Variants in AGBL4 observed in about 807,000 individuals in gnomAD.
AGBL4 encodes cytosolic carboxypeptidase 6.
In AGBL4, 58 loss-of-function variants were observed where a neutral mutation model predicts 66.4. That is an observed-to-expected ratio of 0.87 (90% CI 0.71 to 1.09). AGBL4 has a LOEUF of 1.09. Among genes scored for constraint, AGBL4 ranks in the 50% least tolerant of loss-of-function variants. The probability of loss-of-function intolerance (pLI) is 0.00; values close to 1 mark genes in which losing one functional copy is unlikely to be tolerated. For missense variants in AGBL4, 579 were observed against 631.0 expected (o/e 0.92, Z 0.88); for synonymous variants, 234 against 222.9 (o/e 1.05, Z -0.44).
In AGBL4 at chr1:48,994,801, C is replaced by G. The variant is rs146245939; in HGVS notation, c.594+50783G>C. On this transcript the variant is annotated intron_variant, in intron 5 of 13. Transcript: ENST00000371839. ...TTAATAGACAATAATGTATTTAATACAAAAGCTCTCAGTAGATTAGTTCTG... is the reference window on the plus strand; with the variant it reads ...TTAATAGACAATAATGTATTTAATAGAAAAGCTCTCAGTAGATTAGTTCTG... Among the ~76,000 whole-genome samples the G allele has an allele frequency of 3.9e-3, 594 of 152,044 alleles. 3 individuals are homozygous for G. Among genetic ancestry groups the G allele is most frequent in the African/African-American group, 0.014 (570 of 41,492 alleles).
intron 3 of AGBL4, among the ~76,000 whole-genome samples, chr1:49,453,409 T>A (rs1646321592): frequency 6.6e-6 from 1 of 151,894 alleles, no homozygotes; most frequent in South Asian, 2.1e-4. Context: ...TGGTATGATA[T>A]GGCACCTGGC....
In AGBL4 at chr1:48,634,489, T is replaced by G. The variant is rs1419668511; in HGVS notation, c.951+4A>C. 3.5e-5 allele frequency: 55 copies of G among 1,588,658 alleles called. No homozygotes were observed. The highest frequency in any genetic ancestry group is 4.5e-5 in the Non-Finnish European group (52 of 1,166,080). ...GCAGCTGTGGAGGGCATTCAGTTACTTACTGGGTCGTTGTACATCTGGACG... is the reference window on the plus strand; with the variant it reads ...GCAGCTGTGGAGGGCATTCAGTTACGTACTGGGTCGTTGTACATCTGGACG... On this transcript the variant is annotated splice_donor_region_variant and intron_variant, in intron 9 of 13. Transcript: ENST00000371839.
At chr1:48,829,556 T>C (rs1362092319) in intron 6 of AGBL4, among the ~76,000 whole-genome samples, 2 of 152,096 alleles carry the variant, frequency 1.3e-5, no homozygotes, top group African/African-American at 4.8e-5. Flanking sequence ...AAGGAGGGGA[T>C]CAAAAAGGTT....
intron 4 of AGBL4, among the ~76,000 whole-genome samples, chr1:49,151,287 T>A (rs61783576): frequency 0.02 from 2,872 of 144,930 alleles, 47 homozygotes; most frequent in Non-Finnish European, 0.022. Context: ...AAAAAATATA[T>A]ATATATATAT....
chr1:49,790,519 G>A (rs997226239), intron 2 of AGBL4, among the ~76,000 whole-genome samples: 11 of 152,120 alleles, frequency 7.2e-5, no homozygotes, highest in Non-Finnish European at 8.8e-5. Flanking sequence ...TATACTGCCT[G>A]CAAAGGGGAT....
chr1:48,857,494 G>T (rs1296925805), intron 6 of AGBL4, among the ~76,000 whole-genome samples: 1 of 152,138 alleles, frequency 6.6e-6, no homozygotes. Flanking sequence ...GGCTGAGGCA[G>T]GCAGATCACA....
At chr1:49,369,586 G>A (rs2148549921) in intron 3 of AGBL4, among the ~76,000 whole-genome samples, 1 of 152,260 alleles carries the variant, frequency 6.6e-6, no homozygotes, top group East Asian at 1.9e-4. Context: ...GGATTTGGGG[G>A]ATCCTTCTGA....
chr1:48,853,854 T>C (rs1647086545), intron 6 of AGBL4, among the ~76,000 whole-genome samples: 1 of 152,148 alleles, frequency 6.6e-6, no homozygotes, highest in Non-Finnish European at 1.5e-5. Context: ...GACAGACTTA[T>C]GCTGCTGCAG....
At chr1:49,167,745 G>T (rs1236977155) in intron 4 of AGBL4, among the ~76,000 whole-genome samples, 4 of 152,162 alleles carry the variant, frequency 2.6e-5, no homozygotes, top group Non-Finnish European at 5.9e-5. Flanking sequence ...TTGTTTTAGA[G>T]AATGTTGCGT....
chr1:48,827,094 CCT>C (rs1249957995), intron 6 of AGBL4, among the ~76,000 whole-genome samples: 11 of 152,122 alleles, frequency 7.2e-5, no homozygotes, highest in Admixed American at 7.2e-4. Context: ...TGAAATTACC[CCT>C]GATTTCTTAA....
chr1:48,744,559 T>C (rs568288277), intron 6 of AGBL4, among the ~76,000 whole-genome samples: 5 of 152,200 alleles, frequency 3.3e-5, no homozygotes, highest in Admixed American at 3.3e-4. Context: ...CTCACGGTCA[T>C]TTTTAGCAAG....
chr1:49,233,380 A>G (rs960926123), intron 4 of AGBL4, among the ~76,000 whole-genome samples: 2 of 152,280 alleles, frequency 1.3e-5, no homozygotes, highest in Non-Finnish European at 2.9e-5. Context: ...GAGGCCCAAA[A>G]GAAATAGACT....
At chr1:49,280,849 G>A (rs1287323226) in intron 3 of AGBL4, among the ~76,000 whole-genome samples, 4 of 152,124 alleles carry the variant, frequency 2.6e-5, no homozygotes, top group Non-Finnish European at 5.9e-5. Context: ...ACATTTTAGT[G>A]GGGGAGATAA....
intron 3 of AGBL4, among the ~76,000 whole-genome samples, chr1:49,268,446 A>T (rs1643978053): frequency 7.4e-6 from 1 of 135,098 alleles, no homozygotes; most frequent in Admixed American, 7.7e-5. Flanking sequence ...ACACACACAC[A>T]CACAAATACA....
chr1:49,160,977 C>A (rs917890974), intron 4 of AGBL4, among the ~76,000 whole-genome samples: 2 of 152,180 alleles, frequency 1.3e-5, no homozygotes, highest in African/African-American at 4.8e-5. Flanking sequence ...TGGCTTTTAG[C>A]TTTCTGGGCT....
intron 4 of AGBL4, among the ~76,000 whole-genome samples, chr1:49,152,724 A>G (rs762372743): frequency 5.3e-5 from 8 of 152,346 alleles, no homozygotes; most frequent in Non-Finnish European, 7.3e-5. Flanking sequence ...CCTATTTCAA[A>G]TATTCTCTGG....
chr1:48,581,225 G>C (rs2798121), intron 11 of AGBL4, among the ~76,000 whole-genome samples: 97,605 of 152,038 alleles, frequency 0.64, 31,529 homozygotes, highest in Non-Finnish European at 0.67. Flanking sequence ...GCTTCAATGT[G>C]TGATGTAGGC....
chr1:49,622,533 G>A (rs906362035), intron 3 of AGBL4, among the ~76,000 whole-genome samples: 4 of 146,556 alleles, frequency 2.7e-5, no homozygotes, highest in African/African-American at 7.5e-5. Context: ...GGAGGCTGAG[G>A]CAGGAGAATG....
chr1:49,547,168 TTGA>T (rs1652557180), intron 3 of AGBL4, among the ~76,000 whole-genome samples: 1 of 152,236 alleles, frequency 6.6e-6, no homozygotes, highest in Non-Finnish European at 1.5e-5. Flanking sequence ...CCATCTTGTG[TTGA>T]TTTTTTAATA....
Sources: gnomAD v4.1 joint callset for allele counts (sites outside exome capture counted in the v4.1 genomes callset) on GRCh38, gnomAD v4.1.1 for gene constraint, MANE v1.5 for transcripts, NCBI Gene and HGNC (gene_info 2026-07-23, HGNC 2026-07-21) for gene names.